Variants in RNGTT observed in about 807,000 individuals in gnomAD.
RNGTT encodes the protein RNA guanylyltransferase and 5'-phosphatase, also known as mRNA-capping enzyme.
A neutral mutation model predicts 79.3 loss-of-function variants in RNGTT; 33 were observed. That is an observed-to-expected ratio of 0.42 (90% CI 0.32 to 0.56). The LOEUF is 0.56. Among genes scored for constraint, RNGTT ranks in the 20% least tolerant of loss-of-function variants. RNGTT has a pLI of 0.17. For missense variants in RNGTT, 497 were observed against 739.1 expected (o/e 0.67, Z 3.80); for synonymous variants, 222 against 235.9 (o/e 0.94, Z 0.54).
intron 14 of RNGTT, among the ~76,000 whole-genome samples, chr6:88,653,339 T>C (rs1367590886): frequency 3.9e-5 from 6 of 152,220 alleles, no homozygotes; most frequent in African/African-American, 1.4e-4. Context: ...AGTGGTATAA[T>C]GTTTTAAAAA....
At chr6:88,928,844 C>A in intron 4 of RNGTT, 141 bp downstream of exon 4, 1 of 583,950 alleles carries the variant, frequency 1.7e-6, no homozygotes, top group Non-Finnish European at 3.0e-6. Context: ...ATTCACAAGT[C>A]AATCTCTCAT....
intron 8 of RNGTT, among the ~76,000 whole-genome samples, chr6:88,887,754 A>G (rs908444068): frequency 6.6e-6 from 1 of 152,172 alleles, no homozygotes; most frequent in African/African-American, 2.4e-5. Flanking sequence ...CAAGAGACAA[A>G]TTTTGCAGGC....
intron 13 of RNGTT, among the ~76,000 whole-genome samples, chr6:88,715,918 T>C (rs1348363831): frequency 1.3e-5 from 2 of 152,162 alleles, no homozygotes; most frequent in African/African-American, 4.8e-5. Context: ...AAGGACTTCA[T>C]GTCTAAAACA....
At chr6:88,903,069 G>A (rs1366224507) in intron 6 of RNGTT, among the ~76,000 whole-genome samples, 1 of 152,044 alleles carries the variant, frequency 6.6e-6, no homozygotes, top group Non-Finnish European at 1.5e-5. Context: ...GGTAATAGAA[G>A]AATAAAAGCA....
chr6:88,913,485 G>A lies in RNGTT; in HGVS notation c.368-7045C>T, dbSNP rs150833241. Among the ~76,000 whole-genome samples, 50 of 152,146 alleles carry A rather than the reference G, an allele frequency of 3.3e-4. 1 individual carries two copies. In the East Asian group the frequency reaches 9.3e-3, roughly 28 times the overall value. On this transcript the variant is annotated intron_variant, in intron 4 of 15. Coordinates refer to ENST00000369485, the MANE Select transcript of RNGTT (RefSeq NM_003800.5). ...AAAAAATACTAGCAAACCAAATCCAGCACCACATCAAAAAGCTAATTCACT... is the reference window on the plus strand; with the variant it reads ...AAAAAATACTAGCAAACCAAATCCAACACCACATCAAAAAGCTAATTCACT...
At chr6:88,814,626 A>T (rs1479543507) in intron 11 of RNGTT, among the ~76,000 whole-genome samples, 2 of 152,200 alleles carry the variant, frequency 1.3e-5, no homozygotes, top group Non-Finnish European at 2.9e-5. Flanking sequence ...TGTTTTGTGG[A>T]TAGAAAAGCA....
At chr6:88,771,311 GTGTGTA>G (rs1778657385) in intron 12 of RNGTT, among the ~76,000 whole-genome samples, 4 of 48,680 alleles carry the variant, frequency 8.2e-5, no homozygotes, top group African/African-American at 3.6e-4. Context: ...GTATGTGTGT[GTGTGTA>G]TATATATATA....
At chr6:88,919,137 A>T (rs1000537607) in intron 4 of RNGTT, among the ~76,000 whole-genome samples, 8 of 152,198 alleles carry the variant, frequency 5.3e-5, no homozygotes, top group African/African-American at 1.4e-4. Context: ...ATTTGATATT[A>T]AAAAATCCAT....
At chr6:88,723,969 C>T (rs1776797219) in intron 13 of RNGTT, among the ~76,000 whole-genome samples, 1 of 152,190 alleles carries the variant, frequency 6.6e-6, no homozygotes, top group African/African-American at 2.4e-5. Flanking sequence ...AGGTGATCCG[C>T]CTGCCTCAGC....
At chr6:88,924,477 A>G (rs1212791084) in intron 4 of RNGTT, among the ~76,000 whole-genome samples, 1 of 152,104 alleles carries the variant, frequency 6.6e-6, no homozygotes, top group East Asian at 1.9e-4. Flanking sequence ...TATGCTTCAG[A>G]TATTTTTCCA....
intron 14 of RNGTT, among the ~76,000 whole-genome samples, chr6:88,672,537 A>G (rs1258592450): frequency 6.6e-6 from 1 of 152,008 alleles, no homozygotes; most frequent in Non-Finnish European, 1.5e-5. Context: ...GATATAATGG[A>G]CTCTGGGGAC....
intron 13 of RNGTT, among the ~76,000 whole-genome samples, chr6:88,687,285 C>T (rs562898487): frequency 2.0e-5 from 3 of 152,254 alleles, no homozygotes; most frequent in South Asian, 4.1e-4. Context: ...ATGGACCACA[C>T]ATTCTGCTGG....
intron 13 of RNGTT, among the ~76,000 whole-genome samples, chr6:88,741,455 G>A (rs966397629): frequency 1.3e-5 from 2 of 152,082 alleles, no homozygotes; most frequent in Non-Finnish European, 2.9e-5. Context: ...AGAAAGAGGG[G>A]AAAGGGATGC....
intron 14 of RNGTT, among the ~76,000 whole-genome samples, chr6:88,622,265 G>A (rs1228300643): frequency 6.6e-6 from 1 of 152,144 alleles, no homozygotes; most frequent in Admixed American, 6.5e-5. Context: ...AGGCAAATGA[G>A]TGTTAGCTGA....
At position 88,647,701 on chromosome 6, in the gene RNGTT, T is replaced by TAAAAAAAAAAAAAAAAAAAAAAAAAA. The variant is rs746472579; in HGVS notation, c.1506+30651_1506+30652insTTTTTTTTTTTTTTTTTTTTTTTTTT. 5.4e-4 allele frequency among the ~76,000 whole-genome samples: 54 copies of TAAAAAAAAAAAAAAAAAAAAAAAAAA among 100,828 alleles called. 1 individual carries two copies. Among genetic ancestry groups the TAAAAAAAAAAAAAAAAAAAAAAAAAA allele is most frequent in the East Asian group, 1.1e-3 (4 of 3,716 alleles). The allele number at this position is 100,828 out of a possible 152,430, so 66.1% of individuals were successfully genotyped here. ...CTGGGTGACAGAACCGACACCCTGT[T>TAAAAAAAAAAAAAAAAAAAAAAAAAA]AAAAAAAAAAAAAAAAGAAGAAGAA... is the stretch of plus-strand genomic sequence containing the variant. On this transcript the variant is annotated intron_variant, in intron 14 of 15. Coordinates refer to ENST00000369485, the MANE Select transcript of RNGTT (RefSeq NM_003800.5).
chr6:88,886,630 C>T (rs1375319377), intron 8 of RNGTT, among the ~76,000 whole-genome samples: 3 of 152,098 alleles, frequency 2.0e-5, no homozygotes, highest in Non-Finnish European at 4.4e-5. Context: ...AAAACTGCAA[C>T]CAAAAGTACT....
chr6:88,884,873 G>C (rs1782806574), intron 8 of RNGTT, among the ~76,000 whole-genome samples: 1 of 152,076 alleles, frequency 6.6e-6, no homozygotes, highest in East Asian at 1.9e-4. Flanking sequence ...AGTGGCTTTG[G>C]ATAGCAATTC....
intron 8 of RNGTT, among the ~76,000 whole-genome samples, chr6:88,866,863 G>A (rs1036118308): frequency 1.3e-5 from 2 of 152,048 alleles, no homozygotes; most frequent in Non-Finnish European, 1.5e-5. Flanking sequence ...TGACTTTATC[G>A]GATTAAAAAT....
intron 13 of RNGTT, among the ~76,000 whole-genome samples, chr6:88,711,522 C>A (rs1391641076): frequency 6.6e-6 from 1 of 152,162 alleles, no homozygotes; most frequent in African/African-American, 2.4e-5. Context: ...CATTATACCT[C>A]ATTTAATCTA....
Sources: allele counts gnomAD v4.1 joint callset (sites outside exome capture counted in the v4.1 genomes callset), GRCh38; gene constraint gnomAD v4.1.1; transcripts MANE v1.5; gene names NCBI Gene and HGNC (gene_info 2026-07-23, HGNC 2026-07-21).